B3GAT3: variants seen among roughly 807,000 people sequenced by gnomAD.
B3GAT3 encodes beta-1,3-glucuronyltransferase 3.
In B3GAT3, 19 loss-of-function variants were observed where a neutral mutation model predicts 33.1. The ratio of observed to expected loss-of-function variants is 0.57; its 90% CI spans 0.40 to 0.84. The LOEUF (loss-of-function observed/expected upper bound fraction) is 0.84. Among genes scored for constraint, B3GAT3 ranks in the 40% least tolerant of loss-of-function variants. The pLI, the probability that B3GAT3 is intolerant of heterozygous loss-of-function variation, is 0.00. For missense variants in B3GAT3, 344 were observed against 441.5 expected, an observed-to-expected ratio of 0.78 and a Z score of 1.98; for synonymous variants, 167 against 193.5, an observed-to-expected ratio of 0.86 and a Z score of 1.14.
intron 2 of B3GAT3, among the ~76,000 whole-genome samples, chr11:62,620,077 G>A (rs1409773095): frequency 6.6e-6 from 1 of 152,026 alleles, no homozygotes; most frequent in African/African-American, 2.4e-5. Flanking sequence ...AGGCTGGAGT[G>A]CAATAGCGCA....
intron 2 of B3GAT3, 32 bp from the exon 3 acceptor site, chr11:62,617,379 G>A: frequency 6.2e-7 from 1 of 1,607,210 alleles, no homozygotes; most frequent in Non-Finnish European, 8.5e-7. Context: ...CAAGGAAAAG[G>A]GGCAGGCACC....
At chr11:62,618,612 A>C (rs1322360374) in intron 2 of B3GAT3, among the ~76,000 whole-genome samples, 2 of 151,378 alleles carry the variant, frequency 1.3e-5, no homozygotes, top group African/African-American at 2.4e-5. Flanking sequence ...CAGTGAGCCA[A>C]GATCACGCCA....
At chr11:62,618,092 G>A (rs1943068094) in intron 2 of B3GAT3, among the ~76,000 whole-genome samples, 1 of 140,404 alleles carries the variant, frequency 7.1e-6, no homozygotes, top group Non-Finnish European at 1.5e-5. Flanking sequence ...CAGAAGAATC[G>A]CTTGAACCCG....
In B3GAT3 at chr11:62,617,099, C is replaced by T. The variant is rs371091579; in HGVS notation, c.506G>A (p.Arg169Gln). 2.2e-5 allele frequency: 35 copies of T among 1,613,956 alleles called. No individual in the cohort carries two copies. In the Admixed American group the frequency reaches 3.0e-4, roughly 14 times the overall value. Residue 169 changes from arginine to glutamine, a missense_variant, in exon 3 of 5, where the codon CGG becomes CAG. By Grantham distance (43) the Arg-to-Gln change is conservative. Transcript: ENST00000265471. ...CCCACCCACAGCACCCCCTCTGCCC[C>T]GGAGCCAGTCCAGGGCCTTGTTCCG... ...EQRNKALDWLRGRGGAVGGEK... is the reference protein window; with the variant it reads ...EQRNKALDWLQGRGGAVGGEK...
chr11:62,619,177 A>G (rs1943093694), intron 2 of B3GAT3, among the ~76,000 whole-genome samples: 2 of 20,564 alleles, frequency 9.7e-5, no homozygotes, highest in Admixed American at 7.5e-4. Flanking sequence ...GGGGGGAAGA[A>G]AAAAAAAAAA....
rs766107525 is a variant in B3GAT3, at chr11:62,617,007, T to A, written c.598A>T (p.Ser200Cys). 6.2e-7 allele frequency: 1 copy of A among 1,614,222 alleles called. No homozygotes were observed. ...CTCACCTCCTCAAACAGCTCCCGGC[T>A]GTAGGTGTTGTCATCGTCAGCAAAG... ...VYFADDDNTY[S>C]RELFEEMRWT... is the part of the protein sequence containing the mutation. The change falls in exon 3 of 5, where the codon AGC becomes TGC. Residue 200 changes from serine (S) to cysteine (C), a missense_variant. Ser to Cys is a moderately radical substitution (Grantham distance 112). Transcript: ENST00000265471.
chr11:62,621,634 G>C (rs2134438711), intron 1 of B3GAT3, among the ~76,000 whole-genome samples: 1 of 152,362 alleles, frequency 6.6e-6, no homozygotes, highest in Non-Finnish European at 1.5e-5. Context: ...GAGGCGGACG[G>C]CAGCAGGATC....
chr11:62,617,046 G>T lies in B3GAT3; in HGVS notation c.559C>A (p.Gln187Lys), dbSNP rs1357814798. 3.1e-6 allele frequency: 5 copies of T among 1,614,058 alleles called. No homozygotes were observed. Among genetic ancestry groups the T allele is most frequent in the Non-Finnish European group, 4.2e-6 (5 of 1,180,046 alleles). The change falls in exon 3 of 5, where the codon CAA becomes AAA. Residue 187 changes from glutamine to lysine, a missense_variant. Transcript: ENST00000265471. ...GEKDPPPPGT[Q>K]GVVYFADDDN... ...TCGTCAGCAAAGTAGACGACTCCTTGGGTCCCTGGTGGTGGTGGGTCCTTC... is the reference window on the plus strand; with the variant it reads ...TCGTCAGCAAAGTAGACGACTCCTTTGGTCCCTGGTGGTGGTGGGTCCTTC...
chr11:62,617,087 C>G lies in B3GAT3; in HGVS notation c.518G>C (p.Gly173Ala), dbSNP rs995963430. ...KALDWLRGRG[G>A]AVGGEKDPPP... ...TGGGTCCTTCTCCCCACCCACAGCA[C>G]CCCCTCTGCCCCGGAGCCAGTCCAG... The change falls in exon 3 of 5, where the codon GGT (glycine) becomes GCT (alanine). Residue 173 changes from glycine to alanine, a missense_variant. Transcript: ENST00000265471. 2.5e-6 allele frequency: 4 copies of G among 1,614,108 alleles called. No homozygotes were observed. Among genetic ancestry groups the G allele is most frequent in the Non-Finnish European group, 2.5e-6 (3 of 1,180,034 alleles).
Position 62,621,969 on chromosome 11 carries a change from C to G in B3GAT3, c.-22G>C, listed in dbSNP as rs774066555. The G allele has an allele frequency of 3.1e-6, 5 of 1,612,276 alleles. No homozygotes were observed. Among genetic ancestry groups the G allele is most frequent in the East Asian group, 2.2e-5 (1 of 44,812 alleles). On this transcript the variant is annotated 5_prime_UTR_variant, in exon 1 of 5. Transcript: ENST00000265471. ...TCATGGCCGCGCCGCCGCCCGCGCC[C>G]GAGCAGGCGGGGTCTGCAGGGGACG...
At chr11:62,616,088 A>G (rs1943017384) in intron 4 of B3GAT3, 1 of 839,908 alleles carries the variant, frequency 1.2e-6, no homozygotes, top group South Asian at 1.8e-5. Flanking sequence ...CTAAAAACAC[A>G]AAAAAATTAG....
intron 2 of B3GAT3, among the ~76,000 whole-genome samples, chr11:62,619,372 G>T (rs564537815): frequency 6.6e-6 from 1 of 152,034 alleles, no homozygotes; most frequent in East Asian, 1.9e-4. Flanking sequence ...TATGGCTACA[G>T]ATCCAAAACC....
rs768961573 is a variant in B3GAT3 at position 62,621,864 on chromosome 11, A to C, written c.82+2T>G. On this transcript the variant is annotated splice_donor_variant, in intron 1 of 4. Coordinates refer to ENST00000265471, the MANE Select transcript of B3GAT3 (RefSeq NM_012200.4). LOFTEE classifies it high-confidence loss of function. ...GCCGCACCCCCGCCCCGCCCCGCTC[A>C]CCGAGCTGTACCAGCGCGTAGAGGA... The C allele has an allele frequency of 2.5e-6, 4 of 1,611,068 alleles. No homozygotes were observed. The highest frequency in any genetic ancestry group is 2.5e-6 in the Non-Finnish European group (3 of 1,178,650).
Position 62,616,554 on chromosome 11 carries a change from G to A in B3GAT3, c.861C>T (p.His287=). Residue 287 remains histidine (H), a synonymous_variant, in exon 4 of 5, where the codon CAC becomes CAT. Coordinates refer to ENST00000265471, the MANE Select transcript of B3GAT3 (RefSeq NM_012200.4). ...RGHLESSLLS[H]LVDPKDLEPR... is the part of the protein sequence containing the mutation. ...GCTCCAGGTCCTTGGGATCCACAAG[G>A]TGGCTCAGAAGACTGCTCTCCAGGT... 1 of 1,614,252 alleles carries A rather than the reference G, an allele frequency of 6.2e-7. No homozygotes were observed. The highest frequency in any genetic ancestry group is 1.1e-5 in the South Asian group (1 of 91,084).
At chr11:62,620,945 T>G in intron 1 of B3GAT3, 1 of 551,374 alleles carries the variant, frequency 1.8e-6, no homozygotes, top group East Asian at 3.4e-5. Flanking sequence ...TAATTTTGCC[T>G]TCTGGGCTTC....
At position 62,615,397 on chromosome 11, in the gene B3GAT3, C is replaced by G. The variant is rs1471507732; in HGVS notation, c.*304G>C. The stretch of plus-strand genomic sequence containing the variant: ...TCCAGCCCCCCAGTGCATGCCCAGC[C>G]CCAATAAGTTACCCAGTTACTCAGC... On this transcript the variant is annotated 3_prime_UTR_variant, in exon 5 of 5. Transcript: ENST00000265471. The G allele has an allele frequency of 5.7e-6, 3 of 524,328 alleles. No homozygotes were observed. In the East Asian group the frequency reaches 1.1e-4, roughly 19 times the overall value. 32.5% of individuals were successfully genotyped at this position (524,328 alleles called of 1,614,324 possible).
intron 2 of B3GAT3, among the ~76,000 whole-genome samples, chr11:62,618,265 CTTA>C (rs2134432874): frequency 6.9e-6 from 1 of 145,464 alleles, no homozygotes; most frequent in African/African-American, 2.5e-5. Flanking sequence ...AGTTTTGTAA[CTTA>C]TTATGTGAGA....
At chr11:62,617,533 A>C (rs1943058924) in intron 2 of B3GAT3, 186 bp from the exon 3 acceptor site, 1 of 772,348 alleles carries the variant, frequency 1.3e-6, no homozygotes, top group Middle Eastern at 3.4e-4. Context: ...CTTCTGGTCC[A>C]TGTCCATCAC....
chr11:62,620,466 G>A (rs1331098515), intron 2 of B3GAT3, 31 bp downstream of exon 2: 9 of 1,606,156 alleles, frequency 5.6e-6, no homozygotes, highest in African/African-American at 2.7e-5. Context: ...CTTGGACAAC[G>A]CAGACCTCTT....
Sources: gnomAD v4.1 joint callset for allele counts (sites outside exome capture counted in the v4.1 genomes callset) on GRCh38, gnomAD v4.1.1 for gene constraint, MANE v1.5 for transcripts, NCBI Gene and HGNC (gene_info 2026-07-23, HGNC 2026-07-21) for gene names.